The following CUX2 variants were observed in gnomAD, a reference collection of about 807,000 sequenced individuals.
CUX2 encodes cut like homeobox 2.
CUX2 carries 40 observed loss-of-function variants against 144.8 expected under a neutral mutation model. That is an observed-to-expected ratio of 0.28 (90% CI 0.21 to 0.36). CUX2 has a LOEUF of 0.36. CUX2 is among the 10% of genes least tolerant of loss of function. The pLI, the probability that CUX2 is intolerant of heterozygous loss-of-function variation, is 1.00. For synonymous variants in CUX2, 827 were observed against 875.6 expected (o/e 0.94, Z 0.98); for missense variants, 1,615 against 1,994.0 (o/e 0.81, Z 3.62).
At chr12:111,247,993 G>T (rs1477017173) in intron 3 of CUX2, among the ~76,000 whole-genome samples, 6 of 152,232 alleles carry the variant, frequency 3.9e-5, no homozygotes, top group Non-Finnish European at 8.8e-5. Context: ...TGCAGCCTCA[G>T]ACTCTGGGTT....
rs74577332 is a variant in CUX2 at position 111,069,787 on chromosome 12, A to C, written c.63+35547A>C. Among the ~76,000 whole-genome samples, 713 of 152,238 alleles carry C rather than the reference A, an allele frequency of 4.7e-3. 3 individuals are homozygous for C. Among genetic ancestry groups the C allele is most frequent in the African/African-American group, 0.017 (689 of 41,520 alleles). On this transcript the variant is annotated intron_variant, in intron 1 of 21. Transcript: ENST00000261726. ...ATGATCTCATTTTTACCTTAAATAC[A>C]TCTTTAAAGGCCCTGCTCCAAATAC...
At chr12:111,219,289 T>G (rs1327552335) in intron 3 of CUX2, among the ~76,000 whole-genome samples, 2 of 152,160 alleles carry the variant, frequency 1.3e-5, no homozygotes, top group African/African-American at 4.8e-5. Context: ...TTGGTTCATT[T>G]GGTTGCAAGG....
intron 1 of CUX2, among the ~76,000 whole-genome samples, chr12:111,123,639 G>T (rs936235532): frequency 6.6e-6 from 1 of 152,018 alleles, no homozygotes; most frequent in Admixed American, 6.6e-5. Context: ...AGGCTCAAGC[G>T]ATCCTCCTAC....
chr12:111,208,374 A>G (rs1881032238), intron 1 of CUX2, among the ~76,000 whole-genome samples: 1 of 152,180 alleles, frequency 6.6e-6, no homozygotes, highest in Admixed American at 6.5e-5. Context: ...GGCTCTTCAT[A>G]TAGCTGACAC....
intron 3 of CUX2, among the ~76,000 whole-genome samples, chr12:111,231,104 A>G (rs1017938212): frequency 5.3e-5 from 8 of 152,218 alleles, no homozygotes; most frequent in African/African-American, 1.9e-4. Flanking sequence ...CAATGAGTTA[A>G]GTACACTCGC....
intron 20 of CUX2, among the ~76,000 whole-genome samples, chr12:111,341,545 C>G (rs567321044): frequency 6.6e-6 from 1 of 151,888 alleles, no homozygotes; most frequent in Non-Finnish European, 1.5e-5. Context: ...TCGCTCATGC[C>G]AGGGCTCCCG....
At chr12:111,054,460 A>G (rs1202883002) in intron 1 of CUX2, among the ~76,000 whole-genome samples, 2 of 152,240 alleles carry the variant, frequency 1.3e-5, no homozygotes, top group Non-Finnish European at 2.9e-5. Flanking sequence ...CAGAATTTAC[A>G]TGACCTTTCA....
At position 111,304,743 on chromosome 12, in the gene CUX2, G is replaced by C. The variant is rs1886489480; in HGVS notation, c.858+429G>C. On this transcript the variant is annotated intron_variant, in intron 10 of 21. Coordinates refer to ENST00000261726, the MANE Select transcript of CUX2 (RefSeq NM_015267.4). The surrounding 1 kb of genome is among the most constrained non-coding windows in gnomAD (Gnocchi z 4.7). ...ATGCAGTTTTGGTGGCTGCCACCAGGTGTCGCTGTTGAACACCGGTCATAG... is the reference window on the plus strand; with the variant it reads ...ATGCAGTTTTGGTGGCTGCCACCAGCTGTCGCTGTTGAACACCGGTCATAG... Among the ~76,000 whole-genome samples, 2 of 152,168 alleles carry C rather than the reference G, an allele frequency of 1.3e-5. No individual in the cohort carries two copies. The highest frequency in any genetic ancestry group is 4.8e-5 in the African/African-American group (2 of 41,444).
intron 1 of CUX2, among the ~76,000 whole-genome samples, chr12:111,127,031 T>C (rs1875128262): frequency 6.6e-6 from 1 of 152,226 alleles, no homozygotes; most frequent in Non-Finnish European, 1.5e-5. Flanking sequence ...AGTACCGTAA[T>C]ATAAAGTCAA....
chr12:111,049,274 C>T (rs1260153273), intron 1 of CUX2, among the ~76,000 whole-genome samples: 1 of 152,170 alleles, frequency 6.6e-6, no homozygotes, highest in Non-Finnish European at 1.5e-5. Context: ...CCCACCCATT[C>T]ATCTATCCAT....
intron 1 of CUX2, among the ~76,000 whole-genome samples, chr12:111,166,042 T>A (rs1395630547): frequency 6.6e-6 from 1 of 152,182 alleles, no homozygotes; most frequent in Admixed American, 6.5e-5. Flanking sequence ...TTTTATAGAC[T>A]GGGTGTCTCG....
intron 4 of CUX2, among the ~76,000 whole-genome samples, chr12:111,269,269 A>G (rs1884528719): frequency 6.6e-6 from 1 of 152,248 alleles, no homozygotes; most frequent in Admixed American, 6.5e-5. Context: ...CCTGGTACAC[A>G]GTAGGCACCT....
intron 1 of CUX2, among the ~76,000 whole-genome samples, chr12:111,185,748 T>G (rs1165612325): frequency 6.6e-6 from 1 of 152,110 alleles, no homozygotes; most frequent in Non-Finnish European, 1.5e-5. Flanking sequence ...GCCCCTACAG[T>G]CACAGCTCTT....
At chr12:111,126,005 C>A (rs1202005489) in intron 1 of CUX2, among the ~76,000 whole-genome samples, 2 of 151,092 alleles carry the variant, frequency 1.3e-5, no homozygotes, top group Admixed American at 1.3e-4. Flanking sequence ...ACAGATTCAA[C>A]ACGATGTATT....
intron 1 of CUX2, among the ~76,000 whole-genome samples, chr12:111,159,102 C>A (rs2136148287): frequency 6.6e-6 from 1 of 152,238 alleles, no homozygotes; most frequent in South Asian, 2.1e-4. Context: ...GTTGATAGTA[C>A]CCACCTGAGA....
chr12:111,114,763 A>G (rs1003778133), intron 1 of CUX2, among the ~76,000 whole-genome samples: 5 of 152,090 alleles, frequency 3.3e-5, no homozygotes, highest in African/African-American at 1.2e-4. Context: ...ATATTCTCCT[A>G]TGTTTCTTTT....
intron 1 of CUX2, among the ~76,000 whole-genome samples, chr12:111,097,677 C>T (rs1872905276): frequency 6.6e-6 from 1 of 152,208 alleles, no homozygotes; most frequent in Non-Finnish European, 1.5e-5. Context: ...ACAGCGTTTT[C>T]TCACAGCAGC....
rs1194095805 is a variant in CUX2 at position 111,263,064 on chromosome 12, C to G, written c.223-697C>G. ...CAGAGAGGGGCAGTGCAAGGTCACA[C>G]AGCCTGCACACAGTGGAGCTGGGCT... On this transcript the variant is annotated intron_variant, in intron 3 of 21. Coordinates refer to ENST00000261726, the MANE Select transcript of CUX2 (RefSeq NM_015267.4). This position sits in a 1 kb window ranked among gnomAD's most constrained non-coding sequence, Gnocchi z 4.0. Among the ~76,000 whole-genome samples the G allele has an allele frequency of 6.6e-6, 1 of 152,222 alleles. No homozygotes were observed. The highest frequency in any genetic ancestry group is 2.4e-5 in the African/African-American group (1 of 41,452).
At chr12:111,283,462 C>G (rs934738814) in intron 4 of CUX2, among the ~76,000 whole-genome samples, 1 of 152,150 alleles carries the variant, frequency 6.6e-6, no homozygotes, top group Non-Finnish European at 1.5e-5. Flanking sequence ...ACAGCTGCCA[C>G]GAGTCATAAT....
Sources: gnomAD v4.1 joint callset for allele counts (sites outside exome capture counted in the v4.1 genomes callset) on GRCh38, gnomAD v4.1.1 for gene constraint, Gnocchi (gnomAD v3.1) non-coding constraint, MANE v1.5 for transcripts, NCBI Gene and HGNC (gene_info 2026-07-23, HGNC 2026-07-21) for gene names.